Variants in HTR2C observed in about 807,000 individuals in gnomAD.
HTR2C encodes 5-hydroxytryptamine receptor 2C.
A neutral mutation model predicts 21.0 loss-of-function variants in HTR2C; 5 were observed. The ratio of observed to expected loss-of-function variants is 0.24; its 90% CI spans 0.12 to 0.50. The LOEUF (loss-of-function observed/expected upper bound fraction) is 0.50. Among genes scored for constraint, HTR2C ranks in the 20% least tolerant of loss-of-function variants. The probability of loss-of-function intolerance (pLI) is 0.98; values close to 1 mark genes in which losing one functional copy is unlikely to be tolerated. For synonymous variants in HTR2C, 150 were observed against 145.3 expected, an observed-to-expected ratio of 1.03 and a Z score of -0.23; for missense variants, 271 against 371.2, an observed-to-expected ratio of 0.73 and a Z score of 2.22.
chrX:114,903,096 T>TA (rs782381430), intron 5 of HTR2C, among the ~76,000 whole-genome samples: 16 of 111,766 alleles, frequency 1.4e-4, no homozygotes, highest in Admixed American at 1.3e-3. Context: ...GACACCCCCC[T>TA]AGGGTCCTTG....
At chrX:114,718,600 G>A (rs1437161095) in intron 2 of HTR2C, among the ~76,000 whole-genome samples, 1 of 111,372 alleles carries the variant, frequency 9.0e-6, no homozygotes, top group African/African-American at 3.3e-5. Context: ...TCCCCCATTT[G>A]TCTTAGCAAC....
intron 2 of HTR2C, among the ~76,000 whole-genome samples, chrX:114,647,737 T>C (rs1489754808): frequency 8.9e-6 from 1 of 112,463 alleles, no homozygotes; most frequent in Non-Finnish European, 1.9e-5. Context: ...GTTGGCACTA[T>C]CAGTGCAGGC....
intron 5 of HTR2C, among the ~76,000 whole-genome samples, chrX:114,858,273 A>T (rs1018309723): frequency 3.6e-5 from 4 of 111,293 alleles, no homozygotes; most frequent in African/African-American, 1.3e-4. Context: ...ATTGCATTAA[A>T]TCTATAAGTC....
intron 2 of HTR2C, among the ~76,000 whole-genome samples, chrX:114,726,083 C>G (rs1253486064): frequency 1.8e-5 from 2 of 112,393 alleles, no homozygotes; most frequent in South Asian, 7.4e-4. Flanking sequence ...CCTAAGCAAG[C>G]CTGGGCAATG....
intron 4 of HTR2C, among the ~76,000 whole-genome samples, chrX:114,769,112 T>C (rs2069974582): frequency 9.0e-6 from 1 of 111,419 alleles, no homozygotes; most frequent in African/African-American, 3.2e-5. Flanking sequence ...AAAAAAGTAG[T>C]GAAACAGCAA....
chrX:114,802,199 G>C (rs933181570), intron 4 of HTR2C, among the ~76,000 whole-genome samples: 1 of 111,195 alleles, frequency 9.0e-6, no homozygotes, highest in Non-Finnish European at 1.9e-5. Context: ...AATTATGGGA[G>C]CCATTTAGCA....
At chrX:114,712,940 GT>G (rs1932913382) in intron 2 of HTR2C, among the ~76,000 whole-genome samples, 1 of 111,687 alleles carries the variant, frequency 9.0e-6, no homozygotes, top group Non-Finnish European at 1.9e-5. Flanking sequence ...GTTTTTGTTT[GT>G]TTGTTTTTAA....
At chrX:114,737,646 A>T (rs910151157) in intron 4 of HTR2C, among the ~76,000 whole-genome samples, 1 of 112,348 alleles carries the variant, frequency 8.9e-6, no homozygotes, top group Non-Finnish European at 1.9e-5. Context: ...AGAAAAAAAT[A>T]AATTTTGTAA....
At chrX:114,600,853 A>G (rs1200367235) in intron 1 of HTR2C, among the ~76,000 whole-genome samples, 8 of 112,034 alleles carry the variant, frequency 7.1e-5, no homozygotes, top group African/African-American at 2.3e-4. Flanking sequence ...CCAATTTTAA[A>G]GATCCATTTT....
intron 5 of HTR2C, among the ~76,000 whole-genome samples, chrX:114,894,162 T>C (rs1490291616): frequency 9.0e-6 from 1 of 111,515 alleles, no homozygotes; most frequent in African/African-American, 3.3e-5. Context: ...TGCTTACATT[T>C]ACCCAAATGA....
intron 2 of HTR2C, among the ~76,000 whole-genome samples, chrX:114,686,905 T>G (rs1165516209): frequency 1.8e-5 from 2 of 111,257 alleles, no homozygotes; most frequent in Admixed American, 9.6e-5. Flanking sequence ...TGTTTCTATT[T>G]TGAAAGAAGA....
At chrX:114,797,594 C>T (rs1334174514) in intron 4 of HTR2C, among the ~76,000 whole-genome samples, 5 of 111,658 alleles carry the variant, frequency 4.5e-5, no homozygotes, top group Non-Finnish European at 9.4e-5. Context: ...AGGAAAAATT[C>T]CTTGTTGTGC....
intron 2 of HTR2C, among the ~76,000 whole-genome samples, chrX:114,653,326 T>C (rs1389090531): frequency 9.0e-6 from 1 of 110,969 alleles, no homozygotes. Flanking sequence ...AATAATAGTT[T>C]ATTTATTTTT....
At chrX:114,875,879 G>A (rs1393845572) in intron 5 of HTR2C, among the ~76,000 whole-genome samples, 3 of 107,369 alleles carry the variant, frequency 2.8e-5, no homozygotes, top group African/African-American at 1.0e-4. Context: ...CTTAATTCTG[G>A]CTATTTGGGG....
intron 4 of HTR2C, among the ~76,000 whole-genome samples, chrX:114,761,990 C>CATATGTGTATATATACGTG (rs782126342): frequency 2.0e-4 from 2 of 9,911 alleles, no homozygotes; most frequent in Non-Finnish European, 3.9e-4. Flanking sequence ...TGTATATATA[C>CATATGTGTATATATACGTG]TATATATACA....
At chrX:114,805,999 AT>A (rs1389772732) in intron 4 of HTR2C, among the ~76,000 whole-genome samples, 1 of 97,830 alleles carries the variant, frequency 1.0e-5, no homozygotes, top group African/African-American at 3.7e-5. Context: ...CACCATATAT[AT>A]ACTATATATA....
At chrX:114,741,020 A>G (rs1431138831) in intron 4 of HTR2C, among the ~76,000 whole-genome samples, 1 of 111,346 alleles carries the variant, frequency 9.0e-6, no homozygotes, top group Non-Finnish European at 1.9e-5. Flanking sequence ...TATCCGTGTA[A>G]ATTCATAGTG....
chrX:114,870,965 G>A (rs1602898930), intron 5 of HTR2C, among the ~76,000 whole-genome samples: 1 of 110,519 alleles, frequency 9.0e-6, no homozygotes, highest in South Asian at 3.8e-4. Flanking sequence ...TTTTGGGTTT[G>A]GTTTGGTTTG....
chrX:114,805,105 C>A (rs1432984345), intron 4 of HTR2C, among the ~76,000 whole-genome samples: 1 of 111,674 alleles, frequency 9.0e-6, no homozygotes, highest in Non-Finnish European at 1.9e-5. Flanking sequence ...CTAGGCTCTG[C>A]CATAGGTACA....
Sources: gnomAD v4.1 joint callset for allele counts (sites outside exome capture counted in the v4.1 genomes callset) on GRCh38, gnomAD v4.1.1 for gene constraint, MANE v1.5 for transcripts, NCBI Gene and HGNC (gene_info 2026-07-23, HGNC 2026-07-21) for gene names.